Variants in PDE8B observed in about 807,000 individuals in gnomAD.
The protein encoded by PDE8B is high affinity cAMP-specific and IBMX-insensitive 3',5'-cyclic phosphodiesterase 8B.
In PDE8B, 26 loss-of-function variants were observed where a neutral mutation model predicts 101.3. That is an observed-to-expected ratio of 0.26 (90% confidence interval 0.19 to 0.36). The LOEUF is 0.36. PDE8B is among the 10% of genes least tolerant of loss of function. The pLI is 1.00. For missense variants in PDE8B, 810 were observed against 1,163.1 expected, an observed-to-expected ratio of 0.70 and a Z score of 4.42; for synonymous variants, 424 against 429.3, an observed-to-expected ratio of 0.99 and a Z score of 0.15.
At chr5:77,138,167 G>C in the PDE8B span, among the ~76,000 whole-genome samples, 30 of 152,176 alleles carry the variant, frequency 2.0e-4, no homozygotes, top group Admixed American at 7.9e-4. Flanking sequence ...AAGGAGACAA[G>C]TGAATATTTG....
chr5:77,198,647 A>T, the PDE8B span, among the ~76,000 whole-genome samples: 48 of 152,140 alleles, frequency 3.2e-4, 1 homozygote, highest in African/African-American at 1.1e-3. Flanking sequence ...GTCCTGAGCC[A>T]CCTATTTTTC....
chr5:77,423,847 G>C (rs1279808772), intron 20 of PDE8B, among the ~76,000 whole-genome samples: 2 of 151,938 alleles, frequency 1.3e-5, no homozygotes, highest in African/African-American at 4.8e-5. Context: ...GTGTTGCCCA[G>C]GCTGGTCTCG....
chr5:77,382,028 G>T (rs1470781321), intron 10 of PDE8B, among the ~76,000 whole-genome samples: 1 of 152,106 alleles, frequency 6.6e-6, no homozygotes, highest in African/African-American at 2.4e-5. Flanking sequence ...TATTTTCATA[G>T]GTTTTGAAAC....
chr5:77,094,068 G>A, the PDE8B span, among the ~76,000 whole-genome samples: 2 of 151,874 alleles, frequency 1.3e-5, no homozygotes, highest in South Asian at 2.1e-4. Context: ...GTGTCAGCTG[G>A]GCTATGTTAC....
chr5:77,219,170 T>A (rs1187197657), intron 1 of PDE8B, among the ~76,000 whole-genome samples: 1 of 152,232 alleles, frequency 6.6e-6, no homozygotes, highest in African/African-American at 2.4e-5. Flanking sequence ...TGGTATAAAC[T>A]TGTAGCCTGA....
At chr5:77,380,744 G>A (rs574833911) in intron 10 of PDE8B, among the ~76,000 whole-genome samples, 5 of 152,252 alleles carry the variant, frequency 3.3e-5, no homozygotes, top group African/African-American at 1.2e-4. Flanking sequence ...CTTATAGATA[G>A]ACATTATTCA....
chr5:77,288,671 G>T (rs1192237711), intron 1 of PDE8B, among the ~76,000 whole-genome samples: 2 of 151,982 alleles, frequency 1.3e-5, no homozygotes, highest in African/African-American at 4.8e-5. Context: ...TTGTCATTTG[G>T]GTATTAAGTT....
At chr5:77,260,218 G>T (rs1760240740) in intron 1 of PDE8B, among the ~76,000 whole-genome samples, 1 of 149,502 alleles carries the variant, frequency 6.7e-6, no homozygotes, top group Middle Eastern at 3.2e-3. Context: ...ACACTTAATT[G>T]TACTGATGAA....
intron 10 of PDE8B, among the ~76,000 whole-genome samples, chr5:77,387,545 G>A (rs72766983): frequency 0.17 from 25,884 of 151,772 alleles, 2,257 homozygotes; most frequent in East Asian, 0.29. Context: ...TACATGTCTT[G>A]GGGTGTCTTG....
chr5:77,161,398 C>A, the PDE8B span, among the ~76,000 whole-genome samples: 1 of 152,070 alleles, frequency 6.6e-6, no homozygotes, highest in Non-Finnish European at 1.5e-5. Context: ...GTATGATTAT[C>A]ATTTTGATTA....
intron 17 of PDE8B, 59 bp from the exon 18 acceptor site, chr5:77,418,170 T>C (rs988218024): frequency 5.5e-6 from 6 of 1,088,266 alleles, no homozygotes; most frequent in Non-Finnish European, 8.6e-6. Context: ...CAGACAAGGA[T>C]GGATGTGGGT....
At chr5:77,155,064 G>A in the PDE8B span, among the ~76,000 whole-genome samples, 5 of 152,096 alleles carry the variant, frequency 3.3e-5, no homozygotes, top group Admixed American at 1.3e-4. Context: ...TGTTGCCCGT[G>A]GGAATAACAG....
At chr5:77,272,503 T>C (rs1762997417) in intron 1 of PDE8B, among the ~76,000 whole-genome samples, 1 of 152,220 alleles carries the variant, frequency 6.6e-6, no homozygotes, top group Admixed American at 6.5e-5. Flanking sequence ...GTCTGACTTG[T>C]CCTTTAAAAC....
At chr5:77,174,922 A>T in the PDE8B span, among the ~76,000 whole-genome samples, 1 of 152,268 alleles carries the variant, frequency 6.6e-6, no homozygotes, top group East Asian at 1.9e-4. Flanking sequence ...TCACTCTAAT[A>T]GAGATTCTTA....
chr5:77,393,621 T>A (rs1561642554), intron 10 of PDE8B, among the ~76,000 whole-genome samples: 1 of 152,238 alleles, frequency 6.6e-6, no homozygotes, highest in Non-Finnish European at 1.5e-5. Context: ...GCTTAAAGTG[T>A]AGCAAGAATA....
chr5:77,268,080 G>A (rs542370865), intron 1 of PDE8B, among the ~76,000 whole-genome samples: 1 of 151,980 alleles, frequency 6.6e-6, no homozygotes, highest in South Asian at 2.1e-4. Context: ...GGGTGACTTG[G>A]TATCAGGAAT....
At chr5:77,391,962 C>T (rs917618248) in intron 10 of PDE8B, among the ~76,000 whole-genome samples, 1 of 152,176 alleles carries the variant, frequency 6.6e-6, no homozygotes, top group Non-Finnish European at 1.5e-5. Flanking sequence ...AAAAAATTCA[C>T]ACTATATCAG....
chr5:77,272,082 C>T (rs940913492), intron 1 of PDE8B, among the ~76,000 whole-genome samples: 3 of 152,128 alleles, frequency 2.0e-5, no homozygotes, highest in African/African-American at 7.2e-5. Context: ...AACTTCTGCC[C>T]CTTGTTCTCC....
intron 1 of PDE8B, among the ~76,000 whole-genome samples, chr5:77,303,547 C>T (rs1445464748): frequency 3.3e-5 from 5 of 150,498 alleles, no homozygotes; most frequent in African/African-American, 1.2e-4. Context: ...CTAGCCTGGG[C>T]AACAGAGCAA....
Sources: gnomAD v4.1 joint callset for allele counts (sites outside exome capture counted in the v4.1 genomes callset) on GRCh38, gnomAD v4.1.1 for gene constraint, MANE v1.5 for transcripts, NCBI Gene and HGNC (gene_info 2026-07-23, HGNC 2026-07-21) for gene names.